The following TPTE2 variants were observed in gnomAD, a reference collection of about 807,000 sequenced individuals.
TPTE2 encodes transmembrane phosphoinositide 3-phosphatase and tensin homolog 2.
TPTE2 carries 53 observed loss-of-function variants against 78.6 expected under a neutral mutation model. The ratio of observed to expected loss-of-function variants is 0.67; its 90% CI spans 0.54 to 0.85. TPTE2 has a LOEUF of 0.85. Ranked by LOEUF, TPTE2 falls within the 40% of genes least tolerant of loss-of-function variation. TPTE2 has a pLI of 0.00. For missense variants in TPTE2, 461 were observed against 623.0 expected, an observed-to-expected ratio of 0.74 and a Z score of 2.77; for synonymous variants, 175 against 206.2, an observed-to-expected ratio of 0.85 and a Z score of 1.30.
At chr13:19,500,630 AG>A in intron 1 of TPTE2, among the ~76,000 whole-genome samples, 1 of 152,344 alleles carries the variant, frequency 6.6e-6, no homozygotes, top group Middle Eastern at 3.4e-3. Context: ...TCAATAAATT[AG>A]GTATTGATGG....
the TPTE2 span, among the ~76,000 whole-genome samples, chr13:19,557,717 A>G: frequency 1.3e-5 from 2 of 152,184 alleles, no homozygotes; most frequent in African/African-American, 2.4e-5. Flanking sequence ...ATCCAGGCCA[A>G]TGACAGGATG....
Position 19,493,433 on chromosome 13 carries a change from C to A in TPTE2, c.65+15G>T. 6.2e-7 allele frequency: 1 copy of A among 1,613,424 alleles called. No individual in the cohort carries two copies. The stretch of plus-strand genomic sequence containing the variant: ...TATGCTGACGGGTGACTTTATTTAA[C>A]TATTTATTACTTACCTTTCTTTCGC... On this transcript the variant is annotated intron_variant, in intron 2 of 19. Transcript: ENST00000400230.
intron 4 of TPTE2, among the ~76,000 whole-genome samples, chr13:19,481,159 A>G (rs1269167403): frequency 3.3e-5 from 5 of 152,238 alleles, no homozygotes; most frequent in African/African-American, 9.6e-5. Flanking sequence ...GCATGCATCA[A>G]AGTTTAAGAA....
intron 2 of TPTE2, 56 bp downstream of exon 5, chr13:19,493,392 T>C: frequency 6.6e-7 from 1 of 1,517,824 alleles, no homozygotes; most frequent in Admixed American, 1.7e-5. Flanking sequence ...TGTGTGTGTA[T>C]AGTTCTATGC....
intron 4 of TPTE2, among the ~76,000 whole-genome samples, chr13:19,479,048 C>T (rs1406834780): frequency 2.0e-5 from 3 of 152,166 alleles, no homozygotes; most frequent in Admixed American, 6.6e-5. Context: ...TTAGGAGATA[C>T]ACCTAATGTA....
intron 13 of TPTE2, among the ~76,000 whole-genome samples, chr13:19,438,706 C>G (rs1399901111): frequency 2.0e-5 from 3 of 152,166 alleles, no homozygotes; most frequent in Non-Finnish European, 2.9e-5. Flanking sequence ...AGGCTTTTAG[C>G]ATGCCTCAGT....
chr13:19,436,465 T>C (rs1261593199), intron 14 of TPTE2, among the ~76,000 whole-genome samples, 159 bp from the exon 18 acceptor site: 1 of 152,100 alleles, frequency 6.6e-6, no homozygotes, highest in Non-Finnish European at 1.5e-5. Flanking sequence ...CAGACTGGAG[T>C]ACAGTGGCAG....
At chr13:19,508,537 T>C (rs1464353866) in intron 1 of TPTE2, among the ~76,000 whole-genome samples, 1 of 152,020 alleles carries the variant, frequency 6.6e-6, no homozygotes, top group Non-Finnish European at 1.5e-5. Flanking sequence ...ATATAAATTG[T>C]TGAGGGATAA....
intron 1 of TPTE2, among the ~76,000 whole-genome samples, chr13:19,502,198 T>A (rs1868618979): frequency 7.9e-6 from 1 of 126,282 alleles, no homozygotes; most frequent in East Asian, 2.2e-4. Flanking sequence ...ACACTGTTGG[T>A]GGGACTGTAA....
intron 3 of TPTE2, among the ~76,000 whole-genome samples, chr13:19,485,349 T>A (rs1345150356): frequency 6.6e-6 from 1 of 152,126 alleles, no homozygotes; most frequent in Non-Finnish European, 1.5e-5. Context: ...TGAAAGTTTT[T>A]TTTTTCTTTC....
At chr13:19,505,800 A>G (rs1210528859), upstream of TPTE2, 4 of 152,012 alleles carry the variant, frequency 2.6e-5, no homozygotes, top group Non-Finnish European at 4.4e-5. Context: ...GGCCCACTCT[A>G]GTAGTAGGAG....
chr13:19,472,889 G>C (rs79806767), intron 6 of TPTE2, among the ~76,000 whole-genome samples: 1,624 of 152,270 alleles, frequency 0.011, 26 homozygotes, highest in African/African-American at 0.037. Context: ...TGGATATTGT[G>C]ATCTAAGCTC....
At chr13:19,506,160 CTTTTTTT>C (rs71092369), upstream of TPTE2, among the ~76,000 whole-genome samples, 10 of 32,862 alleles carry the variant, frequency 3.0e-4, no homozygotes, top group South Asian at 5.8e-3. Context: ...GTATATAAAT[CTTTTTTT>C]TTTTTTTTTT....
At chr13:19,537,896 T>C (rs113404126), upstream of TPTE2, among the ~76,000 whole-genome samples, 3,918 of 152,028 alleles carry the variant, frequency 0.026, 183 homozygotes, top group African/African-American at 0.09. Context: ...TGAGCCACCA[T>C]ACCCGGCCGG....
Position 19,517,560 on chromosome 13 carries a change from G to C in TPTE2, c.-43-14283C>G, listed in dbSNP as rs539704846. Among the ~76,000 whole-genome samples the C allele has an allele frequency of 3.2e-4, 48 of 152,256 alleles. 1 individual carries two copies. Among genetic ancestry groups the C allele is most frequent in the Admixed American group, 9.2e-4 (14 of 15,288 alleles). On this transcript the variant is annotated intron_variant, in intron 1 of 17. Coordinates refer to the TPTE2 transcript ENST00000390680. ...TAGTTCCCCCGCCAAAACTTTACAT[G>C]ATTTTAATTCTCCTGATGAGGATGA...
intron 10 of TPTE2, 46 bp from the exon 14 acceptor site, chr13:19,451,271 A>G (rs1878165813): frequency 6.2e-7 from 1 of 1,611,076 alleles, no homozygotes; most frequent in African/African-American, 1.3e-5. Flanking sequence ...TGGCACCAAC[A>G]CAAGCTATTT....
intron 9 of TPTE2, 54 bp downstream of exon 12, chr13:19,465,201 A>G (rs574905216): frequency 6.2e-7 from 1 of 1,609,148 alleles, no homozygotes; most frequent in African/African-American, 1.3e-5. Context: ...AAAAAATACA[A>G]TTACAAGAAA....
At chr13:19,507,711 C>T (rs1869166531), upstream of TPTE2, among the ~76,000 whole-genome samples, 1 of 152,206 alleles carries the variant, frequency 6.6e-6, no homozygotes, top group Admixed American at 6.5e-5. Flanking sequence ...TAACAGATAG[C>T]TGTGTCTCAG....
intron 1 of TPTE2, among the ~76,000 whole-genome samples, chr13:19,510,644 G>C (rs1024705753): frequency 2.6e-5 from 4 of 152,142 alleles, no homozygotes; most frequent in Non-Finnish European, 5.9e-5. Flanking sequence ...TTACTAAAAA[G>C]AGTGAATTCT....
Sources: allele counts gnomAD v4.1 joint callset (sites outside exome capture counted in the v4.1 genomes callset), GRCh38; gene constraint gnomAD v4.1.1; transcripts MANE v1.5; gene names NCBI Gene and HGNC (gene_info 2026-07-23, HGNC 2026-07-21).